The following UNC79 variants were observed in gnomAD, a reference collection of about 807,000 sequenced individuals.
UNC79 encodes the protein unc-79 subunit of NALCN channel complex.
Under a neutral mutation model 283.1 loss-of-function variants are expected in UNC79, and 37 were observed. That is an observed-to-expected ratio of 0.13 (90% CI 0.10 to 0.17). The LOEUF (loss-of-function observed/expected upper bound fraction) is 0.17. Among genes scored for constraint, UNC79 ranks in the 10% least tolerant of loss-of-function variants. UNC79 has a pLI of 1.00. For synonymous variants in UNC79, 1,107 were observed against 1,200.2 expected (o/e 0.92, Z 1.61); for missense variants, 2,272 against 3,211.1 (o/e 0.71, Z 7.07).
chr14:93,511,516 C>T (rs564909687), intron 7 of UNC79, among the ~76,000 whole-genome samples: 9 of 152,120 alleles, frequency 5.9e-5, no homozygotes, highest in African/African-American at 1.9e-4. Flanking sequence ...GGTGCGATCT[C>T]GGCTCACTGC....
In UNC79 at chr14:93,467,906, C is replaced by T. The variant is rs78027483; in HGVS notation, c.143+115C>T. 9.5e-5 allele frequency: 118 copies of T among 1,246,228 alleles called. No individual in the cohort carries two copies. In the East Asian group the frequency reaches 3.3e-3, roughly 35 times the overall value. The allele number at this position is 1,246,228 out of a possible 1,614,324, so 77.2% of individuals were successfully genotyped here. A position where few individuals can be genotyped will look rare whatever the true frequency, so the allele number is the denominator to read the frequency against. Reference sequence around the variant, plus strand: ...TTTAAAGGGCCTATGTTTTCTAGTGCTCTGTCAGAAGAGTCTGTGCTCAAG... The same window carrying T: ...TTTAAAGGGCCTATGTTTTCTAGTGTTCTGTCAGAAGAGTCTGTGCTCAAG... On this transcript the variant is annotated intron_variant, in intron 2 of 48. Transcript: ENST00000555664.
chr14:93,442,710 T>C (rs1419084827), intron 1 of UNC79, among the ~76,000 whole-genome samples: 1 of 152,208 alleles, frequency 6.6e-6, no homozygotes, highest in Non-Finnish European at 1.5e-5. Flanking sequence ...TGACAAATAA[T>C]AAAATTCACC....
chr14:93,678,704 T>C (rs2073573002), intron 41 of UNC79, among the ~76,000 whole-genome samples: 1 of 152,262 alleles, frequency 6.6e-6, no homozygotes, highest in African/African-American at 2.4e-5. Context: ...CTATTGTGGT[T>C]GTCTAGCCAT....
rs547539063 is a variant in UNC79 at position 93,424,315 on chromosome 14, A to G, written c.-350-43356A>G. 1.8e-4 allele frequency among the ~76,000 whole-genome samples: 27 copies of G among 152,224 alleles called. No homozygotes were observed. In the East Asian group the frequency reaches 4.8e-3, roughly 27 times the overall value. On this transcript the variant is annotated intron_variant, in intron 1 of 49. Transcript: ENST00000256339. ...ATGGAGGACAGTTGGAGGTTCCTCA[A>G]AAACCTAAAAATAGAGCTTAAGATC...
chr14:93,464,970 G>A (rs778812530), intron 1 of UNC79, among the ~76,000 whole-genome samples: 1 of 152,172 alleles, frequency 6.6e-6, no homozygotes, highest in Non-Finnish European at 1.5e-5. Context: ...TGTTGAAAAC[G>A]TGGATGTTAA....
chr14:93,448,387 TC>T (rs1288746013), intron 1 of UNC79, among the ~76,000 whole-genome samples: 1 of 152,188 alleles, frequency 6.6e-6, no homozygotes, highest in Non-Finnish European at 1.5e-5. Context: ...TGCTGAGACT[TC>T]CCATTTCTCT....
At chr14:93,600,476 C>T (rs1407522383) in intron 24 of UNC79, 93 bp from the exon 25 acceptor site, 13 of 839,352 alleles carry the variant, frequency 1.5e-5, no homozygotes, top group African/African-American at 1.0e-4. Context: ...TGCCTTGTTT[C>T]ATTGACTTTG....
At chr14:93,506,340 G>A (rs1019731982) in intron 7 of UNC79, among the ~76,000 whole-genome samples, 5 of 151,336 alleles carry the variant, frequency 3.3e-5, no homozygotes, top group East Asian at 1.9e-4. Flanking sequence ...CTCCTGCCTC[G>A]GCCTCCTGAG....
intron 1 of UNC79, among the ~76,000 whole-genome samples, chr14:93,349,231 C>T (rs886808384): frequency 2.6e-5 from 4 of 152,180 alleles, no homozygotes; most frequent in Admixed American, 6.5e-5. Flanking sequence ...CCACCAATTC[C>T]GGACACAATA....
At chr14:93,594,038 T>G (rs1316954995) in intron 23 of UNC79, among the ~76,000 whole-genome samples, 1 of 152,166 alleles carries the variant, frequency 6.6e-6, no homozygotes, top group African/African-American at 2.4e-5. Context: ...GGGAGGGTGG[T>G]CCTGTCCAGG....
intron 1 of UNC79, among the ~76,000 whole-genome samples, chr14:93,441,179 G>A (rs997477990): frequency 2.6e-5 from 4 of 151,974 alleles, no homozygotes; most frequent in African/African-American, 7.2e-5. Context: ...ACATTATAAA[G>A]GGCACTTCTT....
chr14:93,378,963 C>T (rs1196932184), intron 1 of UNC79, among the ~76,000 whole-genome samples: 4 of 152,050 alleles, frequency 2.6e-5, no homozygotes, highest in Admixed American at 6.6e-5. Context: ...AAAGGCTACA[C>T]GAGGTCCTAT....
At chr14:93,376,040 G>A (rs2054552068) in intron 1 of UNC79, among the ~76,000 whole-genome samples, 1 of 152,190 alleles carries the variant, frequency 6.6e-6, no homozygotes, top group South Asian at 2.1e-4. Context: ...CTCACCAGTT[G>A]TGACCTTTTG....
chr14:93,416,368 G>C (rs898966009), intron 1 of UNC79, among the ~76,000 whole-genome samples: 13 of 150,386 alleles, frequency 8.6e-5, no homozygotes, highest in African/African-American at 2.4e-4. Context: ...TAGTTTGATT[G>C]CACTGTGGTC....
rs573657530 is a variant in UNC79 at position 93,509,300 on chromosome 14, C to T, written c.898+12014C>T. Among the ~76,000 whole-genome samples the T allele has an allele frequency of 7.4e-4, 112 of 152,176 alleles. 3 individuals carry two copies. In the South Asian group the frequency reaches 0.021, roughly 29 times the overall value. On this transcript the variant is annotated intron_variant, in intron 7 of 48. Coordinates refer to ENST00000555664, the Ensembl canonical transcript of UNC79. Reference sequence around the variant, plus strand: ...GACACAAATCCAAATCATATAATTCCACCCTTGGCCCCTCCAAAATATCAT... The same window carrying T: ...GACACAAATCCAAATCATATAATTCTACCCTTGGCCCCTCCAAAATATCAT...
chr14:93,630,448 T>C (rs1280173217), intron 30 of UNC79, among the ~76,000 whole-genome samples: 1 of 152,202 alleles, frequency 6.6e-6, no homozygotes, highest in Non-Finnish European at 1.5e-5. Context: ...AGACAGGAGA[T>C]AGGGATGAAC....
chr14:93,512,875 C>T (rs1056337976), intron 7 of UNC79, among the ~76,000 whole-genome samples: 3 of 152,048 alleles, frequency 2.0e-5, no homozygotes, highest in South Asian at 4.1e-4. Flanking sequence ...TCTTTTCACT[C>T]TTCCTCTTGA....
chr14:93,588,115 G>A (rs1416607761), intron 22 of UNC79, among the ~76,000 whole-genome samples: 1 of 152,150 alleles, frequency 6.6e-6, no homozygotes, highest in Non-Finnish European at 1.5e-5. Flanking sequence ...TGGTGTGGAT[G>A]TAAGGGAGTA....
chr14:93,425,829 A>G (rs2055713937), upstream of UNC79, among the ~76,000 whole-genome samples: 1 of 152,322 alleles, frequency 6.6e-6, no homozygotes, highest in South Asian at 2.1e-4. Context: ...TATAGAGAAA[A>G]AGATTGGTAG....
Sources: allele counts gnomAD v4.1 joint callset (sites outside exome capture counted in the v4.1 genomes callset), GRCh38; gene constraint gnomAD v4.1.1; transcripts MANE v1.5; gene names NCBI Gene and HGNC (gene_info 2026-07-23, HGNC 2026-07-21).